Variants in PODXL observed in about 807,000 individuals in gnomAD.
PODXL encodes podocalyxin.
A neutral mutation model predicts 48.9 loss-of-function variants in PODXL; 20 were observed. The observed-to-expected ratio is 0.41, with a 90% CI of 0.29 to 0.59. The LOEUF (loss-of-function observed/expected upper bound fraction) is 0.59, where lower values mean the gene tolerates loss of function less well. PODXL is among the 20% of genes least tolerant of loss of function. PODXL has a pLI of 0.31. For missense variants in PODXL, 606 were observed against 675.1 expected (o/e 0.90, Z 1.13); for synonymous variants, 295 against 287.4 (o/e 1.03, Z -0.27).
At chr7:131,514,988 A>G (rs1030876430) in intron 1 of PODXL, among the ~76,000 whole-genome samples, 1 of 152,180 alleles carries the variant, frequency 6.6e-6, no homozygotes, top group African/African-American at 2.4e-5. Flanking sequence ...TTTGAACTGG[A>G]TATTTCTTGT....
At chr7:131,504,530 G>T in intron 8 of PODXL, 22 bp from the exon 9 acceptor site, 1 of 1,607,340 alleles carries the variant, frequency 6.2e-7, no homozygotes, top group Non-Finnish European at 8.5e-7. Context: ...AAGGTGACCG[G>T]TGAGAAGGGG....
At chr7:131,534,076 C>T (rs1226528277) in intron 1 of PODXL, among the ~76,000 whole-genome samples, 2 of 152,160 alleles carry the variant, frequency 1.3e-5, no homozygotes, top group African/African-American at 4.8e-5. Flanking sequence ...CCCGTTAGAG[C>T]CGCGCAGCCC....
At chr7:131,530,011 A>G (rs1434063193) in intron 1 of PODXL, among the ~76,000 whole-genome samples, 1 of 148,224 alleles carries the variant, frequency 6.7e-6, no homozygotes. Flanking sequence ...GGGCTGCCCA[A>G]CCCTAACACT....
intron 1 of PODXL, among the ~76,000 whole-genome samples, chr7:131,517,427 A>G (rs2116805582): frequency 6.6e-6 from 1 of 152,306 alleles, no homozygotes; most frequent in Non-Finnish European, 1.5e-5. Context: ...ACTCACAACG[A>G]TAGAGAACGC....
intron 3 of PODXL, among the ~76,000 whole-genome samples, chr7:131,509,929 G>A (rs779660284): frequency 1.3e-5 from 2 of 152,214 alleles, no homozygotes; most frequent in Admixed American, 1.3e-4. Context: ...CCGAGTTCCT[G>A]TGCCAACAAT....
At chr7:131,529,591 C>A (rs1798241239) in intron 1 of PODXL, among the ~76,000 whole-genome samples, 1 of 151,900 alleles carries the variant, frequency 6.6e-6, no homozygotes, top group Non-Finnish European at 1.5e-5. Flanking sequence ...CTGCTTACCA[C>A]CCCCAACTCA....
At chr7:131,556,135 C>A in intron 1 of PODXL, 125 bp downstream of exon 1, 26 of 1,265,660 alleles carry the variant, frequency 2.1e-5, no homozygotes, top group Non-Finnish European at 2.6e-5. Context: ...CCGTGTGTGA[C>A]CCCGGCGGTG....
intron 8 of PODXL, among the ~76,000 whole-genome samples, chr7:131,504,724 G>T (rs1323204633): frequency 6.6e-6 from 1 of 152,012 alleles, no homozygotes; most frequent in African/African-American, 2.4e-5. Context: ...CCTCACCCTG[G>T]TGGCAGAACC....
At chr7:131,531,130 C>A (rs1798274280) in intron 1 of PODXL, among the ~76,000 whole-genome samples, 1 of 152,204 alleles carries the variant, frequency 6.6e-6, no homozygotes, top group Non-Finnish European at 1.5e-5. Flanking sequence ...CCTGCTCTTG[C>A]TTAGCTGGGC....
Position 131,511,292 on chromosome 7 carries a change from G to A in PODXL, c.242C>T (p.Thr81Ile). Reference protein sequence around the residue: ...ANEILASVKATTLGVSSDSPG... With the variant: ...ANEILASVKAITLGVSSDSPG... ...TGAGTCACTGGATACACCAAGGGTG[G>A]TCGCCTTGACCGAGGCCAAGATTTC... Residue 81 changes from threonine to isoleucine, a missense_variant, in exon 2 of 9, where the codon ACC (threonine) becomes ATC (isoleucine). Physicochemically the swap from Thr to Ile is moderately conservative, Grantham distance 89. Coordinates refer to ENST00000378555, the MANE Select transcript of PODXL (RefSeq NM_001018111.3). 6.2e-7 allele frequency: 1 copy of A among 1,614,104 alleles called. No individual in the cohort carries two copies. The highest frequency in any genetic ancestry group is 8.5e-7 in the Non-Finnish European group (1 of 1,180,016).
intron 1 of PODXL, among the ~76,000 whole-genome samples, 177 bp downstream of exon 1, chr7:131,556,083 T>A (rs1310931574): frequency 6.6e-6 from 1 of 152,238 alleles, no homozygotes. Context: ...CCTGCCGCGC[T>A]GCGGAGTTTG....
chr7:131,522,946 T>C (rs1798112809), intron 1 of PODXL, among the ~76,000 whole-genome samples: 1 of 152,220 alleles, frequency 6.6e-6, no homozygotes, highest in Non-Finnish European at 1.5e-5. Context: ...AACATTTGGG[T>C]TGTTTTAACC....
At chr7:131,525,426 C>CAAAAAA (rs57927217) in intron 1 of PODXL, among the ~76,000 whole-genome samples, 19 of 59,228 alleles carry the variant, frequency 3.2e-4, no homozygotes, top group East Asian at 1.8e-3. Flanking sequence ...TCATCTCTAC[C>CAAAAAA]AAAAAAAAAA....
chr7:131,550,866 C>T (rs1441809402), intron 1 of PODXL, among the ~76,000 whole-genome samples: 5 of 152,028 alleles, frequency 3.3e-5, no homozygotes, highest in African/African-American at 7.2e-5. Context: ...GGAACTTGGG[C>T]GAATGAACCC....
At chr7:131,530,711 T>A (rs1199579907) in intron 1 of PODXL, among the ~76,000 whole-genome samples, 2 of 144,178 alleles carry the variant, frequency 1.4e-5, no homozygotes, top group East Asian at 4.2e-4. Context: ...TGAGCTATGA[T>A]CACACCACTG....
Position 131,524,379 on chromosome 7 carries a change from C to CAGAG in PODXL, c.101-12950_101-12947dup, listed in dbSNP as rs58163575. On this transcript the variant is annotated intron_variant, in intron 1 of 8. Coordinates refer to ENST00000378555, the MANE Select transcript of PODXL (RefSeq NM_001018111.3). ...ACACACACGCACACACACACACACA[C>CAGAG]AGAGAGAGAGAGAGAGAGAGAGAGA... Among the ~76,000 whole-genome samples, 189 of 104,106 alleles carry CAGAG rather than the reference C, an allele frequency of 1.8e-3. 1 individual carries two copies. The highest frequency in any genetic ancestry group is 2.6e-3 in the Admixed American group (22 of 8,324). 68.3% of individuals were successfully genotyped at this position (104,106 alleles called of 152,430 possible).
At chr7:131,550,226 C>T (rs1372304908) in intron 1 of PODXL, among the ~76,000 whole-genome samples, 1 of 152,236 alleles carries the variant, frequency 6.6e-6, no homozygotes, top group African/African-American at 2.4e-5. Flanking sequence ...TGCTATGGCA[C>T]AGTATTCCAG....
At chr7:131,537,789 T>C (rs1037011436) in intron 1 of PODXL, among the ~76,000 whole-genome samples, 3 of 152,178 alleles carry the variant, frequency 2.0e-5, no homozygotes, top group Non-Finnish European at 4.4e-5. Context: ...GTTGTGTCTG[T>C]TGTGGGATTT....
intron 1 of PODXL, among the ~76,000 whole-genome samples, chr7:131,537,743 G>A (rs2116846934): frequency 6.6e-6 from 1 of 152,298 alleles, no homozygotes; most frequent in South Asian, 2.1e-4. Flanking sequence ...CCATCCCCGA[G>A]GGTAACCGCT....
Sources: allele counts gnomAD v4.1 joint callset (sites outside exome capture counted in the v4.1 genomes callset), GRCh38; gene constraint gnomAD v4.1.1; transcripts MANE v1.5; gene names NCBI Gene and HGNC (gene_info 2026-07-23, HGNC 2026-07-21).